The following PHKA1 variants were observed in gnomAD, a reference collection of about 807,000 sequenced individuals.
PHKA1 encodes phosphorylase b kinase regulatory subunit alpha, skeletal muscle isoform.
A neutral mutation model predicts 110.2 loss-of-function variants in PHKA1; 60 were observed. The ratio of observed to expected loss-of-function variants is 0.54; its 90% CI spans 0.44 to 0.68. PHKA1 has a LOEUF of 0.68. Ranked by LOEUF, PHKA1 falls within the 30% of genes least tolerant of loss-of-function variation. PHKA1 has a pLI of 0.00. For missense variants in PHKA1, 801 were observed against 942.5 expected (o/e 0.85, Z 1.97); for synonymous variants, 316 against 333.6 (o/e 0.95, Z 0.58).
chrX:72,589,633 A>T (rs1307868367), intron 29 of PHKA1, among the ~76,000 whole-genome samples: 2 of 109,960 alleles, frequency 1.8e-5, no homozygotes, highest in African/African-American at 6.6e-5. Context: ...AGAGGAAGTC[A>T]AATTGTCCCT....
intron 10 of PHKA1, among the ~76,000 whole-genome samples, chrX:72,655,470 C>T (rs926300974): frequency 8.9e-6 from 1 of 111,832 alleles, no homozygotes. Flanking sequence ...ACTGACTGTA[C>T]GTTGCATTTA....
In PHKA1 at chrX:72,712,855, A is replaced by G; in HGVS notation, c.161T>C (p.Val54Ala). The change falls in exon 2 of 32, where the codon GTG (valine) becomes GCG (alanine). Residue 54 changes from valine (V) to alanine (A), a missense_variant. By Grantham distance (64) the Val-to-Ala change is moderately conservative (BLOSUM62 0). Around this residue, in one of 2 missense-constraint regions of PHKA1, gnomAD observed 299 missense variants for 423.3 expected, o/e 0.71. Transcript: ENST00000373542. ...VRDNVYSILA[V>A]WGLGLAYRKN... Reference sequence around the variant, plus strand: ...CCGATAGGCCAGGCCCAAACCCCACACAGCCAAGATGCTGTACACATTATC... The same window carrying G: ...CCGATAGGCCAGGCCCAAACCCCACGCAGCCAAGATGCTGTACACATTATC... 8.3e-7 allele frequency: 1 copy of G among 1,209,881 alleles called. No homozygotes were observed. The highest frequency in any genetic ancestry group is 1.1e-6 in the Non-Finnish European group (1 of 894,124).
intron 4 of PHKA1, among the ~76,000 whole-genome samples, chrX:72,692,819 TTC>T (rs1258840766): frequency 3.6e-5 from 4 of 111,620 alleles, no homozygotes; most frequent in Admixed American, 9.5e-5. Context: ...TTTTTCCATT[TTC>T]TGTTTCATTA....
At chrX:72,688,538 C>T (rs2053995614) in intron 4 of PHKA1, among the ~76,000 whole-genome samples, 1 of 112,042 alleles carries the variant, frequency 8.9e-6, no homozygotes, top group Admixed American at 9.4e-5. Context: ...TGTCCTTTTG[C>T]TTGTTATATT....
At chrX:72,612,609 G>A (rs782594391) in intron 21 of PHKA1, among the ~76,000 whole-genome samples, 1 of 111,660 alleles carries the variant, frequency 9.0e-6, no homozygotes, top group Non-Finnish European at 1.9e-5. Context: ...ATCAATAAGA[G>A]GCTGGCTAAG....
At chrX:72,635,678 TTATACCTACCTCAGCTGCACTATTTCA>T (rs2053222016) in intron 15 of PHKA1, among the ~76,000 whole-genome samples, 1 of 111,915 alleles carries the variant, frequency 8.9e-6, no homozygotes, top group Non-Finnish European at 1.9e-5. Flanking sequence ...ACTCTTTTGT[TTATACCTACCTCAGCTGCACTATTTCA>T]AATGTAAGAT....
At chrX:72,599,820 A>G in intron 28 of PHKA1, 1 of 551,656 alleles carries the variant, frequency 1.8e-6, no homozygotes. Context: ...AGTTACCATA[A>G]AAGACGGTGA....
chrX:72,667,159 C>A lies in PHKA1; in HGVS notation c.717+216G>T, dbSNP rs782641682. ...TAGTATGGTGGGATCCCTTTATAACCTTTGGCTAGAGAACAGGACTATGAT... is the reference window on the plus strand; with the variant it reads ...TAGTATGGTGGGATCCCTTTATAACATTTGGCTAGAGAACAGGACTATGAT... On this transcript the variant is annotated intron_variant, in intron 7 of 31. Transcript: ENST00000373542. 4.5e-5 allele frequency among the ~76,000 whole-genome samples: 5 copies of A among 112,148 alleles called. No individual in the cohort carries two copies. In the East Asian group the frequency reaches 1.4e-3, roughly 31 times the overall value.
chrX:72,713,230 A>G (rs2054409885), intron 1 of PHKA1, among the ~76,000 whole-genome samples: 1 of 111,663 alleles, frequency 9.0e-6, no homozygotes, highest in Non-Finnish European at 1.9e-5. Flanking sequence ...TAACACATCT[A>G]TTACCTCACA....
At chrX:72,656,094 T>C (rs1556301278) in intron 10 of PHKA1, 26 bp downstream of exon 10, 2 of 1,205,984 alleles carry the variant, frequency 1.7e-6, no homozygotes, top group African/African-American at 3.5e-5. Context: ...AACATTCTGC[T>C]GAAAACTCTT....
At chrX:72,697,936 A>ATC (rs2054150576) in intron 3 of PHKA1, among the ~76,000 whole-genome samples, 1 of 108,890 alleles carries the variant, frequency 9.2e-6, no homozygotes, top group African/African-American at 3.4e-5. Flanking sequence ...ATGAGCCGAG[A>ATC]CTGCGCCACT....
chrX:72,661,436 G>A lies in PHKA1; in HGVS notation c.865-3795C>T, dbSNP rs374680200. On this transcript the variant is annotated intron_variant, in intron 8 of 31. Transcript: ENST00000373542. Reference sequence around the variant, plus strand: ...CCTGTAATCGTCATACATCTCTGGTGTAAGCAACATTTGATTTTTGAAGTG... The same window carrying A: ...CCTGTAATCGTCATACATCTCTGGTATAAGCAACATTTGATTTTTGAAGTG... Among the ~76,000 whole-genome samples the A allele has an allele frequency of 7.2e-5, 8 of 111,086 alleles. No homozygotes were observed. In the South Asian group the frequency reaches 2.3e-3, roughly 32 times the overall value.
chrX:72,683,938 A>G (rs782391078), intron 5 of PHKA1, among the ~76,000 whole-genome samples: 9 of 112,437 alleles, frequency 8.0e-5, no homozygotes, highest in Non-Finnish European at 1.5e-4. Flanking sequence ...CAACAAAGAA[A>G]AGTTGTCTAT....
At chrX:72,642,570 T>C (rs781987401) in intron 14 of PHKA1, among the ~76,000 whole-genome samples, 4 of 110,525 alleles carry the variant, frequency 3.6e-5, no homozygotes, top group Non-Finnish European at 7.6e-5. Flanking sequence ...AGAAGTGCAT[T>C]ATAGGTCTGG....
At chrX:72,631,463 C>T (rs1429568366) in intron 16 of PHKA1, among the ~76,000 whole-genome samples, 1 of 111,166 alleles carries the variant, frequency 9.0e-6, no homozygotes, top group East Asian at 2.8e-4. Context: ...CTAGAGTCCC[C>T]ACTCAGTCTC....
chrX:72,636,895 G>C (rs2053237565), intron 14 of PHKA1, among the ~76,000 whole-genome samples: 1 of 111,155 alleles, frequency 9.0e-6, no homozygotes, highest in South Asian at 3.7e-4. Flanking sequence ...GCCAGTTTTA[G>C]TGTTGCTTTA....
At chrX:72,613,230 T>C (rs2052839046) in intron 21 of PHKA1, among the ~76,000 whole-genome samples, 5 of 111,908 alleles carry the variant, frequency 4.5e-5, no homozygotes, top group Middle Eastern at 4.2e-3. Flanking sequence ...GGAATATATA[T>C]GTAGTTATCA....
At chrX:72,673,723 T>C (rs782207363) in intron 6 of PHKA1, among the ~76,000 whole-genome samples, 1 of 110,547 alleles carries the variant, frequency 9.0e-6, no homozygotes, top group African/African-American at 3.3e-5. Context: ...TGGTACATAA[T>C]GACGTATATC....
chrX:72,643,228 T>TA (rs1260353521), intron 14 of PHKA1, among the ~76,000 whole-genome samples: 2 of 110,615 alleles, frequency 1.8e-5, no homozygotes, highest in Non-Finnish European at 3.8e-5. Flanking sequence ...TCTTGGGTGA[T>TA]AAAAAAGTAC....
Sources: gnomAD v4.1 joint callset for allele counts (sites outside exome capture counted in the v4.1 genomes callset) on GRCh38, gnomAD v4.1.1 for gene constraint, gnomAD v4.1.1 regional missense constraint, MANE v1.5 for transcripts, NCBI Gene and HGNC (gene_info 2026-07-23, HGNC 2026-07-21) for gene names.